Variants in MAP3K15 observed in about 807,000 individuals in gnomAD.
MAP3K15 encodes mitogen-activated protein kinase kinase kinase 15, also known as MAPK/ERK kinase kinase 15.
Under a neutral mutation model 99.5 loss-of-function variants are expected in MAP3K15, and 124 were observed. The observed-to-expected ratio is 1.25, with a 90% CI of 1.08 to 1.45. The LOEUF (loss-of-function observed/expected upper bound fraction) is 1.45, where lower values mean the gene tolerates loss of function less well. Among genes scored for constraint, MAP3K15 ranks in the 40% most tolerant of loss-of-function variants. The pLI is 0.00. For missense variants in MAP3K15, 1,242 were observed against 1,079.7 expected (o/e 1.15, Z -2.11); for synonymous variants, 494 against 439.6 (o/e 1.12, Z -1.55).
chrX:19,420,554 C>G (rs923619908), intron 9 of MAP3K15, among the ~76,000 whole-genome samples: 1 of 111,297 alleles, frequency 9.0e-6, no homozygotes, highest in Non-Finnish European at 1.9e-5. Context: ...GCTTACCAAC[C>G]AAAAAAAGTC....
chrX:19,399,001 G>A (rs2063587986), intron 14 of MAP3K15, among the ~76,000 whole-genome samples: 1 of 112,426 alleles, frequency 8.9e-6, no homozygotes, highest in Non-Finnish European at 1.9e-5. Context: ...CTTATTTAAA[G>A]CAGAGAGGCA....
chrX:19,487,013 C>T (rs2064331391), intron 2 of MAP3K15, among the ~76,000 whole-genome samples: 1 of 108,735 alleles, frequency 9.2e-6, no homozygotes, highest in Non-Finnish European at 1.9e-5. Context: ...TCCTGACACC[C>T]TGCTACAACT....
chrX:19,389,813 T>C (rs2063515108), intron 18 of MAP3K15, among the ~76,000 whole-genome samples: 1 of 112,011 alleles, frequency 8.9e-6, no homozygotes, highest in Non-Finnish European at 1.9e-5. Flanking sequence ...CCAAGCTAAT[T>C]GGTGGCTTCC....
chrX:19,417,977 G>A (rs1410181936), intron 9 of MAP3K15, among the ~76,000 whole-genome samples: 1 of 112,265 alleles, frequency 8.9e-6, no homozygotes, highest in Non-Finnish European at 1.9e-5. Flanking sequence ...CTGCAGCTGA[G>A]GGTCCTGAGT....
intron 9 of MAP3K15, 123 bp from the exon 10 acceptor site, chrX:19,415,380 T>C (rs2063725898): frequency 1.6e-6 from 1 of 625,061 alleles, no homozygotes; most frequent in Admixed American, 5.0e-5. Context: ...TCATGAGTGC[T>C]TCATAAACGA....
intron 1 of MAP3K15, among the ~76,000 whole-genome samples, chrX:19,513,988 C>T: frequency 1.8e-5 from 2 of 111,251 alleles, no homozygotes; most frequent in Middle Eastern, 4.6e-3. Context: ...CCCCCTAACC[C>T]GTGAATGCTG....
intron 22 of MAP3K15, 82 bp downstream of exon 22, chrX:19,372,571 G>A: frequency 1.1e-6 from 1 of 932,200 alleles, no homozygotes. Flanking sequence ...GGCAGGAACT[G>A]AGGTCCTGAT....
At chrX:19,364,013 G>T (rs1365131539) in intron 25 of MAP3K15, among the ~76,000 whole-genome samples, 1 of 111,509 alleles carries the variant, frequency 9.0e-6, no homozygotes, top group African/African-American at 3.3e-5. Flanking sequence ...CTGCTCTGCC[G>T]GTGGGGAGGA....
intron 11 of MAP3K15, among the ~76,000 whole-genome samples, chrX:19,411,366 A>G: frequency 8.9e-6 from 1 of 111,940 alleles, no homozygotes; most frequent in South Asian, 3.7e-4. Context: ...ACAGACTGGG[A>G]AGATGGTTTC....
chrX:19,464,990 C>T (rs1286148501), intron 3 of MAP3K15, among the ~76,000 whole-genome samples: 1 of 110,868 alleles, frequency 9.0e-6, no homozygotes, highest in African/African-American at 3.3e-5. Flanking sequence ...CTCCCAGGCT[C>T]AAACAACCCT....
chrX:19,373,415 C>A lies in MAP3K15; in HGVS notation c.2933+121G>T. 2.2e-6 allele frequency: 2 copies of A among 895,304 alleles called. 1 individual carries two copies. The highest frequency in any genetic ancestry group is 4.9e-5 in the South Asian group (2 of 40,474). 73.8% of individuals were successfully genotyped at this position (895,304 alleles called of 1,213,427 possible). On this transcript the variant is annotated intron_variant, in intron 21 of 28. Coordinates refer to ENST00000338883, the MANE Select transcript of MAP3K15 (RefSeq NM_001001671.4). Reference sequence around the variant, plus strand: ...TGGGGCGGCTCAGCTGCCCTACTGCCCTGCAGAAGGGAAGTAAAACCCCTC... The same window carrying A: ...TGGGGCGGCTCAGCTGCCCTACTGCACTGCAGAAGGGAAGTAAAACCCCTC...
At chrX:19,408,152 G>A (rs1245021836) in intron 12 of MAP3K15, among the ~76,000 whole-genome samples, 1 of 111,571 alleles carries the variant, frequency 9.0e-6, no homozygotes, top group Non-Finnish European at 1.9e-5. Flanking sequence ...ACCACAGTTA[G>A]TTGGAGAGCC....
At chrX:19,457,090 T>C in intron 5 of MAP3K15, 71 bp from the exon 6 acceptor site, 1 of 757,868 alleles carries the variant, frequency 1.3e-6, no homozygotes, top group Non-Finnish European at 2.0e-6. Flanking sequence ...TGAATTGTTA[T>C]AAACAGGAGA....
chrX:19,361,063 G>A lies in MAP3K15; in HGVS notation c.3858-230C>T, dbSNP rs1489960363. The A allele has an allele frequency of 9.6e-6, 4 of 418,129 alleles. No homozygotes were observed. In the East Asian group the frequency reaches 1.2e-4, roughly 12 times the overall value. The allele number at this position is 418,129 out of a possible 1,213,427, so 34.5% of individuals were successfully genotyped here. On this transcript the variant is annotated intron_variant, in intron 28 of 28. Transcript: ENST00000338883. ...GAAGGCAGGCTGCAGTTTAAAGAAGGGGGTGGGTCCAGCGTGCAGGCACGC... is the reference window on the plus strand; with the variant it reads ...GAAGGCAGGCTGCAGTTTAAAGAAGAGGGTGGGTCCAGCGTGCAGGCACGC...
intron 3 of MAP3K15, among the ~76,000 whole-genome samples, chrX:19,475,718 A>G (rs1016703122): frequency 9.0e-6 from 1 of 111,725 alleles, no homozygotes; most frequent in Non-Finnish European, 1.9e-5. Flanking sequence ...ATTGGCTTCA[A>G]TCATGGCCAC....
intron 6 of MAP3K15, among the ~76,000 whole-genome samples, chrX:19,444,140 C>T (rs191029222): frequency 2.7e-5 from 3 of 112,070 alleles, no homozygotes; most frequent in East Asian, 2.8e-4. Context: ...TGCTGAGCAA[C>T]TATTCTTTAA....
At chrX:19,484,708 G>A (rs1163338428) in intron 3 of MAP3K15, among the ~76,000 whole-genome samples, 1 of 112,111 alleles carries the variant, frequency 8.9e-6, no homozygotes, top group South Asian at 3.7e-4. Context: ...TTGCCTCAAC[G>A]TAACTCTTGC....
At chrX:19,439,720 C>T (rs777241701) in intron 6 of MAP3K15, among the ~76,000 whole-genome samples, 23 of 112,126 alleles carry the variant, frequency 2.1e-4, no homozygotes, top group South Asian at 3.8e-4. Flanking sequence ...CCTCCCACCT[C>T]GGCCTGCCAA....
chrX:19,377,893 ACT>A (rs1332226058), intron 19 of MAP3K15, among the ~76,000 whole-genome samples: 1 of 111,597 alleles, frequency 9.0e-6, no homozygotes, highest in Non-Finnish European at 1.9e-5. Flanking sequence ...GTATCAGAAG[ACT>A]CTTGTCGACT....
Sources: gnomAD v4.1 joint callset for allele counts (sites outside exome capture counted in the v4.1 genomes callset) on GRCh38, gnomAD v4.1.1 for gene constraint, MANE v1.5 for transcripts, NCBI Gene and HGNC (gene_info 2026-07-23, HGNC 2026-07-21) for gene names.